JPH1: variants seen among roughly 807,000 people sequenced by gnomAD.
JPH1 encodes the protein junctophilin-1.
A neutral mutation model predicts 53.6 loss-of-function variants in JPH1; 12 were observed. That is an observed-to-expected ratio of 0.22 (90% CI 0.14 to 0.36). The LOEUF is 0.36. Ranked by LOEUF, JPH1 falls within the 10% of genes least tolerant of loss-of-function variation. The pLI is 1.00. For synonymous variants in JPH1, 375 were observed against 363.8 expected, an observed-to-expected ratio of 1.03 and a Z score of -0.35; for missense variants, 808 against 905.5, an observed-to-expected ratio of 0.89 and a Z score of 1.38.
chr8:74,258,411 C>T (rs1253578330), intron 3 of JPH1, among the ~76,000 whole-genome samples: 1 of 152,144 alleles, frequency 6.6e-6, no homozygotes, highest in East Asian at 1.9e-4. Context: ...AAAGAGTCTA[C>T]TAGGAAACTA....
chr8:74,261,094 T>C (rs1806383187), intron 2 of JPH1, among the ~76,000 whole-genome samples: 1 of 151,986 alleles, frequency 6.6e-6, no homozygotes, highest in Admixed American at 6.6e-5. Flanking sequence ...GTTCGGGGTG[T>C]AGTAGGGAAG....
At chr8:74,271,547 C>A (rs1806700373) in intron 2 of JPH1, among the ~76,000 whole-genome samples, 1 of 152,202 alleles carries the variant, frequency 6.6e-6, no homozygotes. Context: ...TGACTCTGCC[C>A]TACCTGAAGC....
At chr8:74,272,760 T>C (rs969571925) in intron 2 of JPH1, among the ~76,000 whole-genome samples, 35 of 152,120 alleles carry the variant, frequency 2.3e-4, no homozygotes, top group East Asian at 5.8e-4. Context: ...CGCGCCACCA[T>C]GCCCGGCTAA....
At chr8:74,250,055 T>C (rs930311196) in intron 3 of JPH1, among the ~76,000 whole-genome samples, 2 of 152,132 alleles carry the variant, frequency 1.3e-5, no homozygotes, top group Non-Finnish European at 2.9e-5. Context: ...AGCCCCTGCC[T>C]CCATCAATAA....
chr8:74,241,702 GT>G (rs1226889661), intron 4 of JPH1, among the ~76,000 whole-genome samples: 1 of 152,124 alleles, frequency 6.6e-6, no homozygotes, highest in Non-Finnish European at 1.5e-5. Context: ...TAACAGCAAA[GT>G]TTAATTATAT....
At chr8:74,273,401 T>C (rs1394547608) in intron 2 of JPH1, among the ~76,000 whole-genome samples, 1 of 152,196 alleles carries the variant, frequency 6.6e-6, no homozygotes, top group Non-Finnish European at 1.5e-5. Context: ...TCCTCTAATG[T>C]TTTTTGGTTG....
intron 2 of JPH1, among the ~76,000 whole-genome samples, chr8:74,263,239 G>A (rs1265775983): frequency 7.9e-5 from 12 of 152,006 alleles, no homozygotes; most frequent in African/African-American, 2.7e-4. Context: ...AAGGTGAAGC[G>A]CTATTTCTAC....
At chr8:74,300,911 T>C (rs1258978135) in intron 2 of JPH1, among the ~76,000 whole-genome samples, 2 of 152,208 alleles carry the variant, frequency 1.3e-5, no homozygotes, top group Non-Finnish European at 1.5e-5. Context: ...TTGTTTCATA[T>C]GAATGATGGA....
chr8:74,266,335 G>A (rs1329749136), intron 2 of JPH1, among the ~76,000 whole-genome samples: 1 of 151,922 alleles, frequency 6.6e-6, no homozygotes, highest in African/African-American at 2.4e-5. Context: ...CTCCCATTCA[G>A]TGCTATGCAG....
In JPH1 at chr8:74,288,203, G is replaced by T. The variant is rs193165538; in HGVS notation, c.1139+26658C>A. Among the ~76,000 whole-genome samples the T allele has an allele frequency of 9.1e-4, 138 of 152,288 alleles. 1 individual carries two copies. The highest frequency in any genetic ancestry group is 3.3e-3 in the African/African-American group (136 of 41,582). ...GCAGATGGAGGCGGGTGGAAAAGCAGCCCCAGGAGGGGCTTTGGCGAGGAC... is the reference window on the plus strand; with the variant it reads ...GCAGATGGAGGCGGGTGGAAAAGCATCCCCAGGAGGGGCTTTGGCGAGGAC... On this transcript the variant is annotated intron_variant, in intron 2 of 5. Transcript: ENST00000342232.
Position 74,315,612 on chromosome 8 carries a change from G to T in JPH1, c.388C>A (p.Gln130Lys), listed in dbSNP as rs753990370. ...VETYGDGGTYQGQWAGGMRHG... is the reference protein window; with the variant it reads ...VETYGDGGTYKGQWAGGMRHG... Reference sequence around the variant, plus strand: ...CGCATGCCTCCGGCCCACTGGCCCTGGTAGGTACCTTGGAGAGACCGCAAG... The same window carrying T: ...CGCATGCCTCCGGCCCACTGGCCCTTGTAGGTACCTTGGAGAGACCGCAAG... Residue 130 changes from glutamine to lysine, a missense_variant, in exon 2 of 6, where the codon CAG becomes AAG. Coordinates refer to ENST00000342232, the MANE Select transcript of JPH1 (RefSeq NM_020647.4). This position sits in a 1 kb window ranked among gnomAD's most constrained non-coding sequence, Gnocchi z 6.3. 1 of 1,599,184 alleles carries T rather than the reference G, an allele frequency of 6.3e-7. No individual in the cohort carries two copies. Among genetic ancestry groups the T allele is most frequent in the Non-Finnish European group, 8.5e-7 (1 of 1,176,854 alleles).
intron 2 of JPH1, among the ~76,000 whole-genome samples, chr8:74,278,484 T>C (rs1025755549): frequency 1.3e-4 from 20 of 152,326 alleles, no homozygotes; most frequent in African/African-American, 4.6e-4. Context: ...TGACATTACA[T>C]TCTGCTGGCC....
Position 74,259,275 on chromosome 8 carries a change from A to G in JPH1, c.1258+110T>C, listed in dbSNP as rs533349708. ...GGCGCCCTTGCTTGTTTTGTATAATAGTACTGCTGGGATTCAGGAAGCACA... is the reference window on the plus strand; with the variant it reads ...GGCGCCCTTGCTTGTTTTGTATAATGGTACTGCTGGGATTCAGGAAGCACA... On this transcript the variant is annotated intron_variant, in intron 3 of 5. Coordinates refer to ENST00000342232, the MANE Select transcript of JPH1 (RefSeq NM_020647.4). 3 of 824,406 alleles carry G rather than the reference A, an allele frequency of 3.6e-6. No homozygotes were observed. The East Asian group carries it at 7.7e-5, about 21-fold the overall frequency. The allele number at this position is 824,406 out of a possible 1,614,324, so 51.1% of individuals were successfully genotyped here.
At chr8:74,302,190 A>C (rs186943437) in intron 2 of JPH1, among the ~76,000 whole-genome samples, 38 of 152,350 alleles carry the variant, frequency 2.5e-4, no homozygotes, top group African/African-American at 9.1e-4. Flanking sequence ...AGAAGAGAAC[A>C]ATGTGCACCA....
At chr8:74,255,798 T>C (rs993092353) in intron 3 of JPH1, among the ~76,000 whole-genome samples, 47 of 152,248 alleles carry the variant, frequency 3.1e-4, no homozygotes, top group Admixed American at 7.8e-4. Context: ...AAAATGCTCA[T>C]CATCACTGGC....
At chr8:74,262,593 A>G (rs1487292826) in intron 2 of JPH1, among the ~76,000 whole-genome samples, 1 of 152,256 alleles carries the variant, frequency 6.6e-6, no homozygotes, top group Non-Finnish European at 1.5e-5. Context: ...TCCAAATACC[A>G]TTATCACAAA....
intron 2 of JPH1, among the ~76,000 whole-genome samples, chr8:74,310,305 G>A (rs978573440): frequency 6.7e-6 from 1 of 148,756 alleles, no homozygotes; most frequent in South Asian, 2.1e-4. Context: ...AAAAAAAAAA[G>A]GTTGAGACCC....
intron 2 of JPH1, among the ~76,000 whole-genome samples, chr8:74,275,607 GAGCGGC>G (rs989435834): frequency 6.6e-6 from 1 of 152,150 alleles, no homozygotes; most frequent in Non-Finnish European, 1.5e-5. Flanking sequence ...CGAAAAATGT[GAGCGGC>G]TCTTTCACCG....
At chr8:74,288,445 C>T (rs16938852) in intron 2 of JPH1, among the ~76,000 whole-genome samples, 3,096 of 152,158 alleles carry the variant, frequency 0.02, 115 homozygotes, top group African/African-American at 0.071. Context: ...GATTGATGAA[C>T]GACTTTGGGG....
Sources: allele counts gnomAD v4.1 joint callset (sites outside exome capture counted in the v4.1 genomes callset), GRCh38; gene constraint gnomAD v4.1.1; non-coding constraint Gnocchi (gnomAD v3.1); transcripts MANE v1.5; gene names NCBI Gene and HGNC (gene_info 2026-07-23, HGNC 2026-07-21).